The following CYSLTR1 variants were observed in gnomAD, a reference collection of about 807,000 sequenced individuals.
The protein encoded by CYSLTR1 is G-protein coupled receptor HG55.
A neutral mutation model predicts 2.1 loss-of-function variants in CYSLTR1; 1 was observed. The observed-to-expected ratio is 0.48, with a 90% CI of 0.17 to 2.28. The LOEUF is 2.28. Ranked by LOEUF, CYSLTR1 falls within the 30% of genes most tolerant of loss-of-function variation. The pLI is 0.26. For synonymous variants in CYSLTR1, 110 were observed against 89.6 expected, an observed-to-expected ratio of 1.23 and a Z score of -1.28; for missense variants, 299 against 250.1, an observed-to-expected ratio of 1.20 and a Z score of -1.32.
chrX:78,309,080 G>C (rs909583412), intron 1 of CYSLTR1, among the ~76,000 whole-genome samples: 2 of 111,700 alleles, frequency 1.8e-5, no homozygotes, highest in Non-Finnish European at 3.8e-5. Flanking sequence ...ATAGGAGGTA[G>C]GACTAAGGTG....
At chrX:78,283,877 C>T (rs867461236) in intron 1 of CYSLTR1, among the ~76,000 whole-genome samples, 3 of 111,748 alleles carry the variant, frequency 2.7e-5, no homozygotes, top group African/African-American at 9.8e-5. Flanking sequence ...CTTCTAAACA[C>T]TTGGTTATAA....
chrX:78,291,921 C>T (rs146332000), intron 1 of CYSLTR1, among the ~76,000 whole-genome samples: 4,048 of 109,119 alleles, frequency 0.037, 85 homozygotes, highest in Non-Finnish European at 0.058. Flanking sequence ...AAAAACAGCT[C>T]CTGGATTCAT....
intron 1 of CYSLTR1, among the ~76,000 whole-genome samples, chrX:78,310,949 T>C (rs1197389828): frequency 9.1e-6 from 1 of 109,711 alleles, no homozygotes; most frequent in African/African-American, 3.3e-5. Flanking sequence ...AGAAATTAGG[T>C]AGAAAAGAAA....
intron 2 of CYSLTR1, among the ~76,000 whole-genome samples, chrX:78,281,959 T>C (rs1215158437): frequency 3.6e-5 from 4 of 112,329 alleles, no homozygotes; most frequent in Non-Finnish European, 7.5e-5. Context: ...TGGCCTGATA[T>C]TTAAGGCTCT....
intron 1 of CYSLTR1, chrX:78,320,593 G>C (rs1457758880): frequency 9.0e-6 from 1 of 111,572 alleles, no homozygotes; most frequent in African/African-American, 3.3e-5. Context: ...TGGCAATGCG[G>C]GCTCTTTTTT....
In CYSLTR1 at chrX:78,273,118, G is replaced by T; in HGVS notation, c.629C>A (p.Thr210Lys). The T allele has an allele frequency of 1.7e-6, 2 of 1,208,450 alleles. No individual in the cohort carries two copies. Among genetic ancestry groups the T allele is most frequent in the Non-Finnish European group, 2.2e-6 (2 of 893,739 alleles). The part of the protein sequence containing the change: ...IPFVIIIVCY[T>K]MIILTLLKKS... Reference sequence around the variant, plus strand: ...TTTTAGTAAGGTCAAAATGATCATTGTGTAACAGACAATTATAATAACAAA... The same window carrying T: ...TTTTAGTAAGGTCAAAATGATCATTTTGTAACAGACAATTATAATAACAAA... Residue 210 changes from threonine to lysine, a missense_variant, in exon 3 of 3, where the codon ACA becomes AAA. By Grantham distance (78) the Thr-to-Lys change is moderately conservative (BLOSUM62 -1). Coordinates refer to ENST00000373304, the MANE Select transcript of CYSLTR1 (RefSeq NM_006639.4).
intron 1 of CYSLTR1, among the ~76,000 whole-genome samples, chrX:78,285,688 C>T (rs1310149971): frequency 8.9e-6 from 1 of 112,095 alleles, no homozygotes; most frequent in African/African-American, 3.2e-5. Context: ...CATACACAAG[C>T]GAGTAAATGT....
chrX:78,285,273 T>C (rs1922015068), intron 1 of CYSLTR1, among the ~76,000 whole-genome samples: 1 of 109,491 alleles, frequency 9.1e-6, no homozygotes, highest in Non-Finnish European at 1.9e-5. Flanking sequence ...TACAAAAAAT[T>C]AGCCGGGCAT....
At chrX:78,288,432 C>T (rs1922161915) in intron 1 of CYSLTR1, among the ~76,000 whole-genome samples, 1 of 110,887 alleles carries the variant, frequency 9.0e-6, no homozygotes, top group African/African-American at 3.3e-5. Context: ...ATTCTTGATC[C>T]TTTTAACCCA....
intron 1 of CYSLTR1, among the ~76,000 whole-genome samples, chrX:78,309,304 G>A (rs139871860): frequency 9.0e-6 from 1 of 111,527 alleles, no homozygotes; most frequent in African/African-American, 3.3e-5. Flanking sequence ...ACAGGAAAAG[G>A]TATAATTCCT....
At chrX:78,283,714 G>GT (rs912087800) in intron 1 of CYSLTR1, among the ~76,000 whole-genome samples, 174 bp from the exon 2 acceptor site, 12 of 111,998 alleles carry the variant, frequency 1.1e-4, no homozygotes, top group African/African-American at 3.9e-4. Context: ...TTCTCCATCT[G>GT]TTTTTACAGT....
intron 1 of CYSLTR1, among the ~76,000 whole-genome samples, chrX:78,303,539 A>T (rs1012986332): frequency 2.7e-5 from 3 of 110,673 alleles, no homozygotes; most frequent in African/African-American, 9.9e-5. Flanking sequence ...TTCAATTTAA[A>T]CTTCCCCATT....
In CYSLTR1 at chrX:78,297,202, T is replaced by A. The variant is rs142603311; in HGVS notation, c.-114-13662A>T. On this transcript the variant is annotated intron_variant, in intron 1 of 2. Transcript: ENST00000373304. ...TATATGATGTAGCACATTGATTGAT[T>A]TGTACATGTTGAACCATGAATTCCA... Among the ~76,000 whole-genome samples the A allele has an allele frequency of 6.0e-3, 671 of 112,136 alleles. 24 individuals carry two copies. In the South Asian group the frequency reaches 0.14, roughly 24 times the overall value.
At chrX:78,302,411 T>G (rs773516716) in intron 1 of CYSLTR1, among the ~76,000 whole-genome samples, 46 of 111,498 alleles carry the variant, frequency 4.1e-4, no homozygotes, top group Admixed American at 8.5e-4. Flanking sequence ...TACATTTTTT[T>G]TCTGGCTGAG....
chrX:78,294,413 C>T (rs1250375328), intron 1 of CYSLTR1, among the ~76,000 whole-genome samples: 1 of 112,624 alleles, frequency 8.9e-6, no homozygotes, highest in Non-Finnish European at 1.9e-5. Context: ...GAGGTGACTC[C>T]CTGTTAGTCT....
chrX:78,314,779 C>G (rs1347006655), intron 1 of CYSLTR1, among the ~76,000 whole-genome samples: 1 of 109,894 alleles, frequency 9.1e-6, no homozygotes, highest in Non-Finnish European at 1.9e-5. Flanking sequence ...TGAGTTCCTG[C>G]ATGCCTTGCC....
intron 2 of CYSLTR1, 134 bp from the exon 3 acceptor site, chrX:78,273,907 G>A (rs373644137): frequency 3.7e-6 from 2 of 536,758 alleles, no homozygotes. Context: ...GCATTGAGGA[G>A]GGATTCAGCT....
intron 1 of CYSLTR1, among the ~76,000 whole-genome samples, chrX:78,316,059 A>G (rs926018196): frequency 8.9e-6 from 1 of 112,483 alleles, no homozygotes; most frequent in Non-Finnish European, 1.9e-5. Context: ...AGAGACAGAG[A>G]GACTACATTT....
intron 2 of CYSLTR1, among the ~76,000 whole-genome samples, chrX:78,279,402 C>A: frequency 9.0e-6 from 1 of 111,683 alleles, no homozygotes; most frequent in South Asian, 3.8e-4. Flanking sequence ...CAGTGAGATA[C>A]CATCTCACAC....
Sources: gnomAD v4.1 joint callset for allele counts (sites outside exome capture counted in the v4.1 genomes callset) on GRCh38, gnomAD v4.1.1 for gene constraint, MANE v1.5 for transcripts, NCBI Gene and HGNC (gene_info 2026-07-23, HGNC 2026-07-21) for gene names.